The following SIPA1L2 variants were observed in gnomAD, a reference collection of about 807,000 sequenced individuals.
The protein encoded by SIPA1L2 is signal-induced proliferation-associated 1-like protein 2.
In SIPA1L2, 56 loss-of-function variants were observed where a neutral mutation model predicts 163.9. The ratio of observed to expected loss-of-function variants is 0.34; its 90% CI spans 0.28 to 0.43. The LOEUF (loss-of-function observed/expected upper bound fraction) is 0.43. Among genes scored for constraint, SIPA1L2 ranks in the 20% least tolerant of loss-of-function variants. SIPA1L2 has a pLI of 1.00. For missense variants in SIPA1L2, 1,974 were observed against 2,193.5 expected (o/e 0.90, Z 2.00); for synonymous variants, 877 against 865.7 (o/e 1.01, Z -0.23).
chr1:232,552,133 C>T (rs913699571), intron 2 of SIPA1L2, among the ~76,000 whole-genome samples: 2 of 152,158 alleles, frequency 1.3e-5, no homozygotes, highest in Admixed American at 1.3e-4. Flanking sequence ...AGCCACCACA[C>T]CCGGCTGAGA....
At chr1:232,532,668 AC>A (rs966283712) in intron 2 of SIPA1L2, among the ~76,000 whole-genome samples, 1 of 152,220 alleles carries the variant, frequency 6.6e-6, no homozygotes, top group African/African-American at 2.4e-5. Flanking sequence ...ATCCCATAAC[AC>A]TTCTTAAAAC....
intron 1 of SIPA1L2, among the ~76,000 whole-genome samples, chr1:232,589,505 G>T (rs1660856952): frequency 6.6e-6 from 1 of 152,228 alleles, no homozygotes; most frequent in Non-Finnish European, 1.5e-5. Context: ...TCTCTTCGCA[G>T]AAATTCTTTT....
At chr1:232,523,877 C>A (rs1667564398) in intron 2 of SIPA1L2, among the ~76,000 whole-genome samples, 1 of 152,220 alleles carries the variant, frequency 6.6e-6, no homozygotes, top group Non-Finnish European at 1.5e-5. Context: ...ACAAAGCCTT[C>A]AAATCTGAAG....
intron 2 of SIPA1L2, among the ~76,000 whole-genome samples, chr1:232,546,215 G>A (rs573515838): frequency 2.6e-5 from 4 of 152,248 alleles, no homozygotes; most frequent in African/African-American, 9.6e-5. Flanking sequence ...CAGCATAACC[G>A]TACTTTTGCA....
chr1:232,620,433 G>A (rs1157427341), intron 1 of SIPA1L2, among the ~76,000 whole-genome samples: 1 of 152,196 alleles, frequency 6.6e-6, no homozygotes, highest in East Asian at 1.9e-4. Context: ...ATAACAAAGA[G>A]CGTAGTAAGA....
intron 7 of SIPA1L2, among the ~76,000 whole-genome samples, chr1:232,473,806 T>C (rs940181559): frequency 6.6e-6 from 1 of 152,156 alleles, no homozygotes; most frequent in Non-Finnish European, 1.5e-5. Context: ...ACAAGAAGAT[T>C]CATTAGGAAG....
At chr1:232,626,335 A>G (rs975214499) in intron 1 of SIPA1L2, among the ~76,000 whole-genome samples, 3 of 151,988 alleles carry the variant, frequency 2.0e-5, no homozygotes, top group African/African-American at 4.8e-5. Context: ...GAGCATGACA[A>G]CTAGACTCGA....
chr1:232,618,312 G>A (rs543702074), intron 1 of SIPA1L2, among the ~76,000 whole-genome samples: 16 of 152,296 alleles, frequency 1.1e-4, no homozygotes, highest in African/African-American at 1.2e-4. Context: ...ATGCTCAGGC[G>A]AGGCGAGCTC....
rs77139480 is a variant in SIPA1L2 at position 232,524,199 on chromosome 1, T to G, written c.-269-8591A>C. Among the ~76,000 whole-genome samples the G allele has an allele frequency of 7.0e-3, 1,064 of 152,094 alleles. 28 individuals carry two copies. The South Asian group carries it at 0.079, about 11-fold the overall frequency. ...TACTGGATGCTGTGGGTGGGAAGAG[T>G]ATGAAAGATGAATGAAAGAGCTTCC... On this transcript the variant is annotated intron_variant, in intron 2 of 22. Coordinates refer to ENST00000674635, the MANE Select transcript of SIPA1L2 (RefSeq NM_020808.5).
intron 3 of SIPA1L2, among the ~76,000 whole-genome samples, chr1:232,512,206 A>C (rs1183200684): frequency 2.0e-5 from 3 of 152,190 alleles, no homozygotes; most frequent in African/African-American, 4.8e-5. Context: ...GGCGATCATT[A>C]AAGTCAGGAA....
At chr1:232,439,059 G>A in intron 15 of SIPA1L2, 49 bp downstream of exon 15, 3 of 1,532,346 alleles carry the variant, frequency 2.0e-6, no homozygotes, top group South Asian at 1.3e-5. Flanking sequence ...CAGCAGGCAG[G>A]GCCCAGGTGG....
intron 7 of SIPA1L2, among the ~76,000 whole-genome samples, chr1:232,474,769 C>T (rs56046057): frequency 0.013 from 1,975 of 151,580 alleles, 25 homozygotes; most frequent in Non-Finnish European, 0.021. Flanking sequence ...AAAATTTTAA[C>T]GAGAGGAAAA....
intron 2 of SIPA1L2, among the ~76,000 whole-genome samples, chr1:232,545,069 C>A (rs1657945123): frequency 6.6e-6 from 1 of 152,136 alleles, no homozygotes; most frequent in African/African-American, 2.4e-5. Context: ...ACAGAAGTAC[C>A]AGAGGAGCCA....
chr1:232,564,148 TCGTG>T lies in SIPA1L2; in HGVS notation c.-270+10022_-270+10025del, dbSNP rs1198677622. ...CGACGAAGGTTGTTTTTTTTTTTTTTCGTGTGTGTGTGTGTGTGTGTGTGTGTGT... is the reference window on the plus strand; with the variant it reads ...CGACGAAGGTTGTTTTTTTTTTTTTTTGTGTGTGTGTGTGTGTGTGTGTGT... On this transcript the variant is annotated intron_variant, in intron 2 of 22. Coordinates refer to ENST00000674635, the MANE Select transcript of SIPA1L2 (RefSeq NM_020808.5). Among the ~76,000 whole-genome samples, 3 of 24,142 alleles carry T rather than the reference TCGTG, an allele frequency of 1.2e-4. 1 individual carries two copies. Among genetic ancestry groups the T allele is most frequent in the African/African-American group, 8.4e-4 (3 of 3,554 alleles). 15.8% of individuals were successfully genotyped at this position (24,142 alleles called of 152,430 possible).
intron 6 of SIPA1L2, 57 bp from the exon 7 acceptor site, chr1:232,479,787 G>T (rs913087519): frequency 1.4e-6 from 2 of 1,469,082 alleles, no homozygotes; most frequent in African/African-American, 1.4e-5. Context: ...TTAGTGCTTC[G>T]ATATTTAAAA....
intron 10 of SIPA1L2, among the ~76,000 whole-genome samples, chr1:232,458,415 A>T (rs1664048379): frequency 6.6e-6 from 1 of 152,246 alleles, no homozygotes. Flanking sequence ...ACAATTCAAT[A>T]TTTCGTAGAA....
At chr1:232,589,926 C>G (rs1293276514) in intron 1 of SIPA1L2, among the ~76,000 whole-genome samples, 1 of 152,166 alleles carries the variant, frequency 6.6e-6, no homozygotes, top group Admixed American at 6.5e-5. Context: ...ATTCCTGAAA[C>G]AATACTTGCA....
intron 8 of SIPA1L2, among the ~76,000 whole-genome samples, chr1:232,467,477 T>C (rs1008448686): frequency 3.3e-5 from 5 of 152,066 alleles, no homozygotes; most frequent in African/African-American, 1.2e-4. Flanking sequence ...TCCCCCACAA[T>C]CCCCCATGTT....
chr1:232,563,639 T>G (rs779564397), intron 2 of SIPA1L2, among the ~76,000 whole-genome samples: 10 of 152,214 alleles, frequency 6.6e-5, no homozygotes, highest in Non-Finnish European at 1.3e-4. Flanking sequence ...ATACAGATGT[T>G]GGAAATTCAG....
Sources: allele counts gnomAD v4.1 joint callset (sites outside exome capture counted in the v4.1 genomes callset), GRCh38; gene constraint gnomAD v4.1.1; transcripts MANE v1.5; gene names NCBI Gene and HGNC (gene_info 2026-07-23, HGNC 2026-07-21).